Variants in PCDHGB3 observed in about 807,000 individuals in gnomAD.
PCDHGB3 encodes the protein protocadherin gamma-B3.
Under a neutral mutation model 59.2 loss-of-function variants are expected in PCDHGB3, and 40 were observed. The ratio of observed to expected loss-of-function variants is 0.68; its 90% CI spans 0.52 to 0.88. The LOEUF (loss-of-function observed/expected upper bound fraction) is 0.88. Among genes scored for constraint, PCDHGB3 ranks in the 40% least tolerant of loss-of-function variants. The pLI, the probability that PCDHGB3 is intolerant of heterozygous loss-of-function variation, is 0.00. For missense variants in PCDHGB3, 1,309 were observed against 1,187.9 expected (o/e 1.10, Z -1.50); for synonymous variants, 581 against 503.6 (o/e 1.15, Z -2.06).
chr5:141,440,393 G>A (rs1444541990), intron 1 of PCDHGB3: 1 of 152,180 alleles, frequency 6.6e-6, no homozygotes, highest in Admixed American at 6.5e-5. Flanking sequence ...TTGAACCCGA[G>A]AGGCAATCGC....
intron 1 of PCDHGB3, chr5:141,403,246 G>C: frequency 6.2e-7 from 1 of 1,613,930 alleles, no homozygotes; most frequent in South Asian, 1.1e-5. Flanking sequence ...TCTGTGCTCA[G>C]AGCCCGCGGT....
At chr5:141,388,831 T>A (rs1300455758) in intron 1 of PCDHGB3, 1 of 1,613,964 alleles carries the variant, frequency 6.2e-7, no homozygotes, top group Non-Finnish European at 8.5e-7. Flanking sequence ...TATTCCATAG[T>A]TTTGGAAGCA....
intron 1 of PCDHGB3, chr5:141,415,748 T>TTG (rs2095929710): frequency 9.9e-7 from 1 of 1,008,886 alleles, no homozygotes; most frequent in South Asian, 2.7e-5. Context: ...AGGTTTTTTT[T>TTG]TTTTTTTTTT....
At chr5:141,374,954 A>C in intron 1 of PCDHGB3, 1 of 1,613,990 alleles carries the variant, frequency 6.2e-7, no homozygotes, top group Non-Finnish European at 8.5e-7. Flanking sequence ...GATCTCACAA[A>C]TTTTCTGTTT....
chr5:141,404,555 A>G (rs751841732), intron 1 of PCDHGB3: 1 of 1,613,802 alleles, frequency 6.2e-7, no homozygotes, highest in African/African-American at 1.3e-5. Flanking sequence ...GGTGACGGCA[A>G]GTGACAGTGG....
chr5:141,500,989 C>T (rs779352768), intron 2 of PCDHGB3, among the ~76,000 whole-genome samples: 1 of 152,040 alleles, frequency 6.6e-6, no homozygotes, highest in Non-Finnish European at 1.5e-5. Context: ...CTGCCTCAGC[C>T]TCCTGAGTAG....
intron 1 of PCDHGB3, among the ~76,000 whole-genome samples, chr5:141,449,103 A>G (rs1033077737): frequency 2.0e-5 from 3 of 152,206 alleles, no homozygotes; most frequent in African/African-American, 7.2e-5. Context: ...CATATGCAGT[A>G]TATCTTTGGG....
At chr5:141,425,363 A>C (rs2096870488) in intron 1 of PCDHGB3, among the ~76,000 whole-genome samples, 1 of 152,212 alleles carries the variant, frequency 6.6e-6, no homozygotes, top group Non-Finnish European at 1.5e-5. Context: ...TGATATTAAG[A>C]GGGTTATGTT....
At chr5:141,393,559 T>A (rs1349401032) in intron 1 of PCDHGB3, 1 of 1,613,814 alleles carries the variant, frequency 6.2e-7, no homozygotes, top group Non-Finnish European at 8.5e-7. Context: ...ATTTACCGAG[T>A]GAAAGTCCTT....
At chr5:141,389,736 G>C in intron 1 of PCDHGB3, 1 of 1,612,710 alleles carries the variant, frequency 6.2e-7, no homozygotes, top group Non-Finnish European at 8.5e-7. Context: ...CTTCAGCCTG[G>C]GGCTGCGCAC....
chr5:141,415,277 T>A lies in PCDHGB3; in HGVS notation c.2415+42468T>A, dbSNP rs533281226. 42 of 1,614,216 alleles carry A rather than the reference T, an allele frequency of 2.6e-5. No individual in the cohort carries two copies. In the South Asian group the frequency reaches 4.4e-4, roughly 17 times the overall value. On this transcript the variant is annotated intron_variant, in intron 1 of 3. Coordinates refer to ENST00000576222, the MANE Select transcript of PCDHGB3 (RefSeq NM_018924.5). Reference sequence around the variant, plus strand: ...CTCACTCTGTACCTGGTGGTAGCGGTGGCCGCGGTCTCCTGCGTCTTCCTG... The same window carrying A: ...CTCACTCTGTACCTGGTGGTAGCGGAGGCCGCGGTCTCCTGCGTCTTCCTG...
rs367919924 is a variant in PCDHGB3, at chr5:141,487,711, T to A, written c.2416-7096T>A. The A allele has an allele frequency of 1.1e-5, 18 of 1,586,144 alleles. No individual in the cohort carries two copies. In the African/African-American group the frequency reaches 2.1e-4, roughly 19 times the overall value. On this transcript the variant is annotated intron_variant, in intron 1 of 3. Transcript: ENST00000576222. The surrounding 1 kb of genome is among the most constrained non-coding windows in gnomAD (Gnocchi z 5.0). ...TAGAGAGTACTGGCCTCTCAGTAAG[T>A]GCCCATAGTGATGTCACCATTTTTG...
rs756423770 is a variant in PCDHGB3 at position 141,430,950 on chromosome 5, T to G, written c.2415+58141T>G. 8 of 1,609,862 alleles carry G rather than the reference T, an allele frequency of 5.0e-6. No individual in the cohort carries two copies. The East Asian group carries it at 1.6e-4, about 31-fold the overall frequency. On this transcript the variant is annotated intron_variant, in intron 1 of 3. Coordinates refer to ENST00000576222, the MANE Select transcript of PCDHGB3 (RefSeq NM_018924.5). ...CCCCGGGAGCTCGCGGAGCGCGGAG[T>G]CCGCATCATCCCCAGAGGTAGGACG...
chr5:141,480,730 G>A (rs1261461187), intron 1 of PCDHGB3, among the ~76,000 whole-genome samples: 1 of 152,168 alleles, frequency 6.6e-6, no homozygotes, highest in East Asian at 1.9e-4. Flanking sequence ...GTCTCTGGGG[G>A]TGGGACATAG....
chr5:141,408,533 G>A, intron 1 of PCDHGB3: 1 of 1,614,056 alleles, frequency 6.2e-7, no homozygotes, highest in Non-Finnish European at 8.5e-7. Flanking sequence ...AGCTGTGGTG[G>A]AAAATCCTTT....
intron 1 of PCDHGB3, chr5:141,384,288 G>T (rs1367965791): frequency 1.9e-6 from 3 of 1,613,666 alleles, no homozygotes; most frequent in Non-Finnish European, 2.5e-6. Flanking sequence ...ACATCGCTGA[G>T]AACAACCCCA....
intron 1 of PCDHGB3, chr5:141,420,092 G>A: frequency 1.2e-6 from 2 of 1,614,020 alleles, no homozygotes; most frequent in Non-Finnish European, 1.7e-6. Flanking sequence ...CAACTACAGT[G>A]AGGGAACGTT....
intron 1 of PCDHGB3, chr5:141,384,294 C>G: frequency 6.2e-7 from 1 of 1,613,864 alleles, no homozygotes; most frequent in Non-Finnish European, 8.5e-7. Flanking sequence ...CTGAGAACAA[C>G]CCCAGAGGGG....
In PCDHGB3 at chr5:141,410,525, T is replaced by G. The variant is rs6891442; in HGVS notation, c.2415+37716T>G. The G allele has an allele frequency of 1.9e-3, 3,112 of 1,613,920 alleles. 62 individuals are homozygous for G. In the African/African-American group the frequency reaches 0.034, roughly 18 times the overall value. On this transcript the variant is annotated intron_variant, in intron 1 of 3. Transcript: ENST00000576222. ...CCTAAAATGCAGTGTGCCCCTACAT[T>G]CCAATGAAGACATGGTTTGCAGTGT...
Sources: allele counts gnomAD v4.1 joint callset (sites outside exome capture counted in the v4.1 genomes callset), GRCh38; gene constraint gnomAD v4.1.1; non-coding constraint Gnocchi (gnomAD v3.1); transcripts MANE v1.5; gene names NCBI Gene and HGNC (gene_info 2026-07-23, HGNC 2026-07-21).